Variants in GLT1D1 observed in about 807,000 individuals in gnomAD.
GLT1D1 encodes glycosyltransferase 1 domain-containing protein 1.
In GLT1D1, 21 loss-of-function variants were observed where a neutral mutation model predicts 28.7. The observed-to-expected ratio is 0.73, with a 90% CI of 0.52 to 1.05. The LOEUF is 1.05. Ranked by LOEUF, GLT1D1 falls within the 50% of genes least tolerant of loss-of-function variation. The pLI, the probability that GLT1D1 is intolerant of heterozygous loss-of-function variation, is 0.00. For synonymous variants in GLT1D1, 147 were observed against 124.8 expected, an observed-to-expected ratio of 1.18 and a Z score of -1.19; for missense variants, 343 against 330.6, an observed-to-expected ratio of 1.04 and a Z score of -0.29.
At chr12:128,906,636 A>G (rs548119236) in intron 4 of GLT1D1, among the ~76,000 whole-genome samples, 2 of 152,232 alleles carry the variant, frequency 1.3e-5, no homozygotes, top group South Asian at 4.1e-4. Flanking sequence ...AAAAAAAAGC[A>G]CAGTGTCATT....
intron 4 of GLT1D1, 115 bp from the exon 5 acceptor site, chr12:128,912,309 A>G (rs1871622000): frequency 5.0e-6 from 3 of 605,062 alleles, no homozygotes; most frequent in South Asian, 4.1e-5. Flanking sequence ...GATGATTCTC[A>G]GTGATGTTTT....
chr12:128,938,268 C>T (rs572044053), intron 4 of GLT1D1, among the ~76,000 whole-genome samples: 62 of 152,308 alleles, frequency 4.1e-4, no homozygotes, highest in African/African-American at 1.4e-3. Context: ...AGCATATGTT[C>T]TGCACAGAGT....
chr12:128,939,837 A>C (rs956459446), intron 4 of GLT1D1, among the ~76,000 whole-genome samples: 6,663 of 96,258 alleles, frequency 0.069, 7 homozygotes, highest in Middle Eastern at 0.11. Flanking sequence ...ATTGTTAGAA[A>C]CCCCCCCCCA....
chr12:128,950,478 C>T (rs369746906), intron 6 of GLT1D1, among the ~76,000 whole-genome samples: 10 of 152,270 alleles, frequency 6.6e-5, no homozygotes, highest in African/African-American at 9.6e-5. Context: ...ACTTGACAGA[C>T]GCTTAGTAAA....
chr12:128,861,237 C>G (rs1956361463), intron 1 of GLT1D1, among the ~76,000 whole-genome samples: 1 of 152,174 alleles, frequency 6.6e-6, no homozygotes, highest in South Asian at 2.1e-4. Context: ...CTATTATACG[C>G]TTACGTGTTG....
intron 7 of GLT1D1, among the ~76,000 whole-genome samples, chr12:128,958,913 C>A (rs974058329): frequency 1.5e-5 from 2 of 135,714 alleles, no homozygotes; most frequent in Non-Finnish European, 3.1e-5. Flanking sequence ...TCATGGCTTA[C>A]TACAGCCTTG....
At chr12:128,963,289 A>T (rs1180099552) in intron 7 of GLT1D1, among the ~76,000 whole-genome samples, 1 of 152,010 alleles carries the variant, frequency 6.6e-6, no homozygotes, top group Non-Finnish European at 1.5e-5. Flanking sequence ...TGGGTTTGGG[A>T]GTGGAGTGGG....
chr12:128,954,307 T>G (rs531152887), intron 6 of GLT1D1, among the ~76,000 whole-genome samples: 2 of 139,490 alleles, frequency 1.4e-5, no homozygotes, highest in Non-Finnish European at 3.3e-5. Context: ...TTTTTTTGTA[T>G]TTTTAGTAGA....
In GLT1D1 at chr12:128,983,546, AG is replaced by A. The variant is rs759308691; in HGVS notation, c.*458del. On this transcript the variant is annotated 3_prime_UTR_variant, in exon 8 of 8. Coordinates refer to ENST00000281703, the MANE Select transcript of GLT1D1 (RefSeq NM_144669.3). The surrounding 1 kb of genome is among the most constrained non-coding windows in gnomAD (Gnocchi z 4.7). ...CGTGTCAGCTGAGCCGAGTCCTCGC[AG>A]GATTTTTGTTGTGATCTCAGGACTC... 2.8e-4 allele frequency: 44 copies of A among 159,942 alleles called. No homozygotes were observed. Among genetic ancestry groups the A allele is most frequent in the Non-Finnish European group, 5.7e-4 (41 of 72,098 alleles). 9.9% of individuals were successfully genotyped at this position (159,942 alleles called of 1,614,324 possible). A position where few individuals can be genotyped will look rare whatever the true frequency, so the allele number is the denominator to read the frequency against.
At chr12:128,914,950 A>G in intron 4 of GLT1D1, 1 of 1,536,048 alleles carries the variant, frequency 6.5e-7, no homozygotes, top group South Asian at 1.2e-5. Context: ...AACAACACCA[A>G]ACGCCGCTTT....
chr12:128,934,559 T>C (rs1874340455), intron 4 of GLT1D1, among the ~76,000 whole-genome samples: 2 of 152,106 alleles, frequency 1.3e-5, no homozygotes, highest in African/African-American at 4.8e-5. Context: ...TGTCCATTTC[T>C]CTCCTTGAAG....
rs1238458512 is a variant in GLT1D1, at chr12:128,983,283, C to T, written c.*193C>T. On this transcript the variant is annotated 3_prime_UTR_variant, in exon 8 of 8. Coordinates refer to ENST00000281703, the MANE Select transcript of GLT1D1 (RefSeq NM_144669.3). The surrounding 1 kb of genome is among the most constrained non-coding windows in gnomAD (Gnocchi z 4.7). Reference sequence around the variant, plus strand: ...ATCCTTCTGTGCGTTCAGATGCTGTCCCAGGCGTGTTCACCAGCCAGTCCT... The same window carrying T: ...ATCCTTCTGTGCGTTCAGATGCTGTTCCAGGCGTGTTCACCAGCCAGTCCT... 1.8e-6 allele frequency: 1 copy of T among 568,940 alleles called. No individual in the cohort carries two copies. Among genetic ancestry groups the T allele is most frequent in the East Asian group, 2.9e-5 (1 of 34,794 alleles). 35.2% of individuals were successfully genotyped at this position (568,940 alleles called of 1,614,324 possible). A position where few individuals can be genotyped will look rare whatever the true frequency, so the allele number is the denominator to read the frequency against.
chr12:128,934,215 T>G (rs1874275942), intron 4 of GLT1D1, among the ~76,000 whole-genome samples: 1 of 149,434 alleles, frequency 6.7e-6, no homozygotes, highest in African/African-American at 2.5e-5. Flanking sequence ...TTTTTTTTTT[T>G]TTTTTTTAGA....
At chr12:128,971,295 T>TC in intron 7 of GLT1D1, among the ~76,000 whole-genome samples, 1 of 49,512 alleles carries the variant, frequency 2.0e-5, no homozygotes, top group East Asian at 7.1e-4. Context: ...CCTCCCTTCC[T>TC]CCCTCCCTCC....
intron 4 of GLT1D1, among the ~76,000 whole-genome samples, chr12:128,908,914 A>C (rs552908401): frequency 2.0e-5 from 3 of 152,070 alleles, no homozygotes; most frequent in African/African-American, 4.8e-5. Flanking sequence ...GCGCCCCTGC[A>C]CTCCAGCCTG....
At chr12:128,874,119 TC>T (rs1566091384) in intron 1 of GLT1D1, among the ~76,000 whole-genome samples, 65 of 66,328 alleles carry the variant, frequency 9.8e-4, no homozygotes, top group African/African-American at 3.1e-3. Flanking sequence ...TCTCTCTCTC[TC>T]TCTCTCTTTC....
chr12:128,957,582 TC>T lies in GLT1D1; in HGVS notation c.582del (p.Asn196MetfsTer5). ...GAAGTACCGGTATTGGCCAGGAACA[TC>T]CCCGGGAATGCTGCCGTGGTGAAGC... On this transcript the variant is annotated frameshift_variant, in exon 7 of 8. Transcript: ENST00000281703. LOFTEE classifies it high-confidence loss of function. 1.2e-6 allele frequency: 2 copies of T among 1,613,852 alleles called. No individual in the cohort carries two copies. Among genetic ancestry groups the T allele is most frequent in the Non-Finnish European group, 1.7e-6 (2 of 1,179,796 alleles).
chr12:128,859,645 G>A (rs1423298701), intron 1 of GLT1D1, among the ~76,000 whole-genome samples: 1 of 152,196 alleles, frequency 6.6e-6, no homozygotes, highest in Admixed American at 6.5e-5. Context: ...GGGAGACAGG[G>A]CCACGCGACA....
chr12:128,908,664 G>A (rs1474802300), intron 4 of GLT1D1, among the ~76,000 whole-genome samples: 2 of 151,432 alleles, frequency 1.3e-5, no homozygotes, highest in Non-Finnish European at 2.9e-5. Flanking sequence ...AAATAAACAC[G>A]ACAGGCCGGG....
Sources: gnomAD v4.1 joint callset for allele counts (sites outside exome capture counted in the v4.1 genomes callset) on GRCh38, gnomAD v4.1.1 for gene constraint, Gnocchi (gnomAD v3.1) non-coding constraint, MANE v1.5 for transcripts, NCBI Gene and HGNC (gene_info 2026-07-23, HGNC 2026-07-21) for gene names.